Variants in SHROOM4 observed in about 807,000 individuals in gnomAD.
The protein encoded by SHROOM4 is shroom family member 4.
SHROOM4 carries 17 observed loss-of-function variants against 80.3 expected under a neutral mutation model. The observed-to-expected ratio is 0.21, with a 90% CI of 0.14 to 0.32. The LOEUF (loss-of-function observed/expected upper bound fraction) is 0.32. Among genes scored for constraint, SHROOM4 ranks in the 10% least tolerant of loss-of-function variants. SHROOM4 has a pLI of 1.00. For synonymous variants in SHROOM4, 400 were observed against 437.5 expected, an observed-to-expected ratio of 0.91 and a Z score of 1.07; for missense variants, 993 against 1,140.3, an observed-to-expected ratio of 0.87 and a Z score of 1.86.
At chrX:50,726,162 T>C (rs1164893524) in intron 1 of SHROOM4, among the ~76,000 whole-genome samples, 7 of 111,973 alleles carry the variant, frequency 6.3e-5, no homozygotes, top group African/African-American at 2.3e-4. Flanking sequence ...TGATTTAGTA[T>C]ATCTGGCAGA....
chrX:50,730,066 T>G (rs1396337090), intron 1 of SHROOM4, among the ~76,000 whole-genome samples: 1 of 112,225 alleles, frequency 8.9e-6, no homozygotes. Flanking sequence ...AGCATTGTGT[T>G]AAAGGTTAAT....
At chrX:50,771,895 A>C (rs1256378460) in intron 1 of SHROOM4, among the ~76,000 whole-genome samples, 3 of 112,063 alleles carry the variant, frequency 2.7e-5, no homozygotes, top group African/African-American at 9.7e-5. Context: ...ATAAAGTGTA[A>C]TACAGTGATA....
intron 1 of SHROOM4, among the ~76,000 whole-genome samples, chrX:50,700,945 A>G (rs1286360286): frequency 8.9e-6 from 1 of 111,760 alleles, no homozygotes; most frequent in Non-Finnish European, 1.9e-5. Flanking sequence ...CTTTCCCTCT[A>G]CCAGCTAATA....
chrX:50,708,697 G>T (rs1933736580), intron 1 of SHROOM4, among the ~76,000 whole-genome samples: 1 of 112,202 alleles, frequency 8.9e-6, no homozygotes, highest in South Asian at 3.7e-4. Flanking sequence ...TGCCTAAGCT[G>T]CTTTCCTATG....
intron 1 of SHROOM4, among the ~76,000 whole-genome samples, chrX:50,794,985 T>G (rs1294157288): frequency 1.1e-5 from 1 of 94,460 alleles, no homozygotes; most frequent in East Asian, 3.1e-4. Flanking sequence ...TCATACATGA[T>G]ATATGTTGGA....
chrX:50,811,938 C>A (rs1936339899), intron 1 of SHROOM4, among the ~76,000 whole-genome samples: 1 of 110,663 alleles, frequency 9.0e-6, no homozygotes, highest in African/African-American at 3.3e-5. Flanking sequence ...AGGAAACCCT[C>A]ATCTACCCTC....
rs1928851412 is a variant in SHROOM4 at position 50,590,530 on chromosome X, G to A, written c.*6165C>T. 9.0e-6 allele frequency among the ~76,000 whole-genome samples: 1 copy of A among 111,053 alleles called. No homozygotes were observed. The highest frequency in any genetic ancestry group is 1.9e-5 in the Non-Finnish European group (1 of 52,918). On this transcript the variant is annotated 3_prime_UTR_variant, in exon 9 of 9. Coordinates refer to ENST00000376020, the MANE Select transcript of SHROOM4 (RefSeq NM_020717.5). Reference sequence around the variant, plus strand: ...CTCCCAAAGTGCTGGGATTACAGGCGTGAGCCACCGCGCCTGGCCGAGACC... The same window carrying A: ...CTCCCAAAGTGCTGGGATTACAGGCATGAGCCACCGCGCCTGGCCGAGACC...
chrX:50,587,803 C>T lies in SHROOM4; in HGVS notation c.*8892G>A, dbSNP rs1415207152. Among the ~76,000 whole-genome samples, 4 of 111,975 alleles carry T rather than the reference C, an allele frequency of 3.6e-5. No homozygotes were observed. Among genetic ancestry groups the T allele is most frequent in the African/African-American group, 1.3e-4 (4 of 30,838 alleles). On this transcript the variant is annotated 3_prime_UTR_variant, in exon 9 of 9. Coordinates refer to ENST00000376020, the MANE Select transcript of SHROOM4 (RefSeq NM_020717.5). ...TCTATTTTGTTTAACTTACAAACAG[C>T]AAAAATGCTACCACAATTCTGAATT... is the stretch of plus-strand genomic sequence containing the variant.
At chrX:50,700,717 T>A (rs1200981365) in intron 1 of SHROOM4, among the ~76,000 whole-genome samples, 1 of 111,785 alleles carries the variant, frequency 8.9e-6, no homozygotes, top group Non-Finnish European at 1.9e-5. Context: ...CTCTCAAATT[T>A]CCGAAGCAGT....
intron 1 of SHROOM4, among the ~76,000 whole-genome samples, chrX:50,748,503 T>C (rs902351399): frequency 9.2e-6 from 1 of 108,310 alleles, no homozygotes; most frequent in African/African-American, 3.6e-5. Context: ...CTAAAAAACA[T>C]AAAACTCTAA....
At chrX:50,683,668 A>C (rs1557261993) in intron 2 of SHROOM4, among the ~76,000 whole-genome samples, 1 of 111,822 alleles carries the variant, frequency 8.9e-6, no homozygotes, top group Non-Finnish European at 1.9e-5. Flanking sequence ...CAGGAGGAGA[A>C]GCAGATTTTA....
intron 2 of SHROOM4, among the ~76,000 whole-genome samples, chrX:50,642,897 T>C (rs1156784447): frequency 1.8e-5 from 2 of 111,685 alleles, no homozygotes; most frequent in African/African-American, 6.5e-5. Context: ...TTTCCTAGGA[T>C]ACCACACGAC....
At chrX:50,578,596 T>C in the SHROOM4 span, among the ~76,000 whole-genome samples, 1 of 111,501 alleles carries the variant, frequency 9.0e-6, no homozygotes, top group Non-Finnish European at 1.9e-5. Flanking sequence ...TGAGCCACCG[T>C]GCCAGGCCAG....
chrX:50,643,724 C>T (rs1931709369), intron 2 of SHROOM4: 1 of 111,736 alleles, frequency 8.9e-6, no homozygotes, highest in Non-Finnish European at 1.9e-5. Context: ...CTCCCTACTC[C>T]AACCTCCTCT....
At chrX:50,656,880 T>C (rs1009391574) in intron 2 of SHROOM4, among the ~76,000 whole-genome samples, 1 of 111,238 alleles carries the variant, frequency 9.0e-6, no homozygotes, top group Admixed American at 9.6e-5. Flanking sequence ...CCCATGAACA[T>C]GGAATATCTT....
intron 1 of SHROOM4, among the ~76,000 whole-genome samples, chrX:50,719,839 C>G (rs1934062074): frequency 2.7e-5 from 3 of 112,489 alleles, no homozygotes; most frequent in Admixed American, 9.4e-5. Context: ...TAACTCAATG[C>G]TGTCAAAATG....
intron 1 of SHROOM4, among the ~76,000 whole-genome samples, chrX:50,783,879 T>C (rs1363038313): frequency 4.5e-5 from 5 of 111,899 alleles, no homozygotes; most frequent in Middle Eastern, 4.3e-3. Flanking sequence ...CCCGGCCAGA[T>C]TCTAAACTTT....
rs546903144 is a variant in SHROOM4, at chrX:50,723,806, C to T, written c.118-27869G>A. Among the ~76,000 whole-genome samples, 11 of 111,427 alleles carry T rather than the reference C, an allele frequency of 9.9e-5. No individual in the cohort carries two copies. In the South Asian group the frequency reaches 3.9e-3, roughly 39 times the overall value. On this transcript the variant is annotated intron_variant, in intron 1 of 8. Coordinates refer to ENST00000376020, the MANE Select transcript of SHROOM4 (RefSeq NM_020717.5). ...CCGTAACTGTTGTGGGTATTGACGG[C>T]CAGGCTTCTAAACCTCTTAAAACTC...
chrX:50,590,746 T>TA lies in SHROOM4; in HGVS notation c.*5948dup, dbSNP rs1557245303. On this transcript the variant is annotated 3_prime_UTR_variant, in exon 9 of 9. Transcript: ENST00000376020. Reference sequence around the variant, plus strand: ...GTATGTTATAGCAACCCAAGCATACTAAAACACATATTTTCTTTGAAGAAA... The same window carrying TA: ...GTATGTTATAGCAACCCAAGCATACTAAAAACACATATTTTCTTTGAAGAAA... Among the ~76,000 whole-genome samples, 1 of 112,527 alleles carries TA rather than the reference T, an allele frequency of 8.9e-6. No individual in the cohort carries two copies. The highest frequency in any genetic ancestry group is 1.9e-5 in the Non-Finnish European group (1 of 53,317).
Sources: allele counts gnomAD v4.1 joint callset (sites outside exome capture counted in the v4.1 genomes callset), GRCh38; gene constraint gnomAD v4.1.1; transcripts MANE v1.5; gene names NCBI Gene and HGNC (gene_info 2026-07-23, HGNC 2026-07-21).